Variants in SEMA4D observed in about 807,000 individuals in gnomAD.
The protein encoded by SEMA4D is semaphorin-4D.
In SEMA4D, 22 loss-of-function variants were observed where a neutral mutation model predicts 74.8. The observed-to-expected ratio is 0.29, with a 90% CI of 0.21 to 0.42. The LOEUF is 0.42. Ranked by LOEUF, SEMA4D falls within the 10% of genes least tolerant of loss-of-function variation. SEMA4D has a pLI of 1.00. For missense variants in SEMA4D, 937 were observed against 1,118.4 expected, an observed-to-expected ratio of 0.84 and a Z score of 2.31; for synonymous variants, 445 against 463.7, an observed-to-expected ratio of 0.96 and a Z score of 0.52.
At chr9:89,457,856 A>G (rs1221497898) in intron 1 of SEMA4D, among the ~76,000 whole-genome samples, 1 of 151,608 alleles carries the variant, frequency 6.6e-6, no homozygotes, top group Non-Finnish European at 1.5e-5. Flanking sequence ...ACACGGTGAA[A>G]CCCCATCTCT....
At chr9:89,372,018 CTG>C (rs1249728615) in intron 16 of SEMA4D, among the ~76,000 whole-genome samples, 1 of 1,334 alleles carries the variant, frequency 7.5e-4, no homozygotes, top group Admixed American at 0.014. Flanking sequence ...TGGTGTGTGT[CTG>C]GGGTGTGGTG....
At chr9:89,472,110 G>A (rs986599850) in intron 1 of SEMA4D, 2 of 175,812 alleles carry the variant, frequency 1.1e-5, no homozygotes, top group African/African-American at 4.8e-5. Flanking sequence ...CAGAGGTCCT[G>A]GGTCAATTTG....
chr9:89,381,609 T>C lies in SEMA4D; in HGVS notation c.1447-263A>G. On this transcript the variant is annotated intron_variant, in intron 13 of 15. Coordinates refer to ENST00000422704, the MANE Select transcript of SEMA4D (RefSeq NM_001371194.2). This position sits in a 1 kb window ranked among gnomAD's most constrained non-coding sequence, Gnocchi z 4.6. ...TCTGGGCACCCACAGGTGCCTGCCC[T>C]CCAGCAAAGCGCTTCTCTGCACGTG... The C allele has an allele frequency of 2.7e-6, 1 of 376,682 alleles. No individual in the cohort carries two copies. The highest frequency in any genetic ancestry group is 4.8e-6 in the Non-Finnish European group (1 of 209,500). The allele number at this position is 376,682 out of a possible 1,614,324, so 23.3% of individuals were successfully genotyped here.
chr9:89,396,994 C>T (rs1841115979), intron 5 of SEMA4D, among the ~76,000 whole-genome samples, 159 bp from the exon 6 acceptor site: 1 of 152,252 alleles, frequency 6.6e-6, no homozygotes, highest in South Asian at 2.1e-4. Context: ...CATTCTCAGC[C>T]TTGTCTTGTC....
chr9:89,387,365 T>C, intron 12 of SEMA4D, 21 bp downstream of exon 12: 2 of 1,587,110 alleles, frequency 1.3e-6, no homozygotes, highest in Non-Finnish European at 1.7e-6. Flanking sequence ...CTGTCAAGCC[T>C]GCCAAGCCCT....
In SEMA4D at chr9:89,435,140, C is replaced by A. The variant is rs1041693814; in HGVS notation, c.-244+20748G>T. ...GGGGAGTGCACGGGGGCTGCACATC[C>A]CCCAGGGCATGTGGAGGACAGAAAT... On this transcript the variant is annotated intron_variant, in intron 2 of 15. Coordinates refer to ENST00000422704, the MANE Select transcript of SEMA4D (RefSeq NM_001371194.2). Among the ~76,000 whole-genome samples the A allele has an allele frequency of 2.6e-5, 4 of 152,196 alleles. No homozygotes were observed. The South Asian group carries it at 8.3e-4, about 32-fold the overall frequency.
intron 16 of SEMA4D, among the ~76,000 whole-genome samples, chr9:89,370,138 G>C (rs1276574765): frequency 6.6e-6 from 1 of 150,772 alleles, no homozygotes; most frequent in East Asian, 2.0e-4. Context: ...GTTGGTATGT[G>C]TGCACATGTG....
Position 89,447,293 on chromosome 9 carries a change from C to T in SEMA4D, c.-244+8595G>A, listed in dbSNP as rs561589252. ...GCTCCAGTCAGGACTAACCCTTGGG[C>T]TAGTCCTCAGATGTTTCCTCAACTC... is the stretch of plus-strand genomic sequence containing the variant. On this transcript the variant is annotated intron_variant, in intron 2 of 15. Coordinates refer to ENST00000422704, the MANE Select transcript of SEMA4D (RefSeq NM_001371194.2). Among the ~76,000 whole-genome samples, 29 of 152,136 alleles carry T rather than the reference C, an allele frequency of 1.9e-4. 1 individual carries two copies. The highest frequency in any genetic ancestry group is 6.8e-3 in the Middle Eastern group (2 of 294).
chr9:89,388,324 G>A (rs904245609), intron 11 of SEMA4D, among the ~76,000 whole-genome samples: 3 of 152,264 alleles, frequency 2.0e-5, no homozygotes, highest in Admixed American at 2.0e-4. Context: ...ACAGTGCAGA[G>A]GCCTTTGCCA....
chr9:89,449,712 G>A (rs1853882894), intron 2 of SEMA4D: 1 of 1,520,328 alleles, frequency 6.6e-7, no homozygotes, highest in East Asian at 2.3e-5. Context: ...GTGTGAGAAA[G>A]GTGATGCCGT....
At chr9:89,465,862 G>A (rs536453707) in intron 1 of SEMA4D, among the ~76,000 whole-genome samples, 1 of 152,250 alleles carries the variant, frequency 6.6e-6, no homozygotes, top group Non-Finnish European at 1.5e-5. Context: ...CTATGCCCAA[G>A]TCCAAGGTGG....
exon 19 of SEMA4D, chr9:89,361,757 G>A (rs1231904868): frequency 6.5e-6 from 1 of 153,332 alleles, no homozygotes; most frequent in Admixed American, 6.4e-5. Flanking sequence ...GTATTCTGAG[G>A]TTAGTGAAGA....
At chr9:89,474,076 C>T (rs771101549) in intron 1 of SEMA4D, among the ~76,000 whole-genome samples, 14 of 152,102 alleles carry the variant, frequency 9.2e-5, no homozygotes, top group Non-Finnish European at 1.9e-4. Context: ...TCACGGTCCC[C>T]ATCCCAGCCC....
At chr9:89,408,829 CCCAG>C (rs1484896316) in intron 2 of SEMA4D, among the ~76,000 whole-genome samples, 1 of 152,220 alleles carries the variant, frequency 6.6e-6, no homozygotes. Flanking sequence ...AGACCCAGGT[CCCAG>C]CCAGTGCCAA....
At chr9:89,404,170 A>C (rs1180402756) in intron 3 of SEMA4D, among the ~76,000 whole-genome samples, 2 of 152,190 alleles carry the variant, frequency 1.3e-5, no homozygotes, top group Non-Finnish European at 2.9e-5. Context: ...ACTAAAAAAA[A>C]ACTAAACAGC....
chr9:89,424,560 C>A (rs1464516027), intron 2 of SEMA4D, among the ~76,000 whole-genome samples: 1 of 151,950 alleles, frequency 6.6e-6, no homozygotes, highest in African/African-American at 2.4e-5. Flanking sequence ...TTTTTCAGAA[C>A]CTTGCACCCT....
chr9:89,415,930 T>C (rs892933933), intron 2 of SEMA4D, among the ~76,000 whole-genome samples: 1 of 152,178 alleles, frequency 6.6e-6, no homozygotes, highest in Non-Finnish European at 1.5e-5. Flanking sequence ...CCCCCAGAGC[T>C]TGGCTTGCAG....
intron 2 of SEMA4D, among the ~76,000 whole-genome samples, chr9:89,413,256 G>A (rs1280534054): frequency 6.6e-6 from 1 of 152,196 alleles, no homozygotes; most frequent in African/African-American, 2.4e-5. Context: ...CACTTTAAAT[G>A]TCAGCAGAAT....
At chr9:89,452,272 A>G (rs570489293) in intron 2 of SEMA4D, among the ~76,000 whole-genome samples, 138 of 143,762 alleles carry the variant, frequency 9.6e-4, no homozygotes, top group African/African-American at 3.3e-3. Flanking sequence ...TCTGCCTCCC[A>G]GGTTCACGCC....
Sources: allele counts gnomAD v4.1 joint callset (sites outside exome capture counted in the v4.1 genomes callset), GRCh38; gene constraint gnomAD v4.1.1; non-coding constraint Gnocchi (gnomAD v3.1); transcripts MANE v1.5; gene names NCBI Gene and HGNC (gene_info 2026-07-23, HGNC 2026-07-21).